Variants in CNR2 observed in about 807,000 individuals in gnomAD.
CNR2 encodes cannabinoid receptor 2 (macrophage).
For missense variants in CNR2, 379 were observed against 439.9 expected (o/e 0.86, Z 1.24); for synonymous variants, 172 against 182.2 (o/e 0.94, Z 0.45).
At chr1:23,880,409 C>T (rs1043509388) in intron 1 of CNR2, among the ~76,000 whole-genome samples, 4 of 151,930 alleles carry the variant, frequency 2.6e-5, no homozygotes, top group East Asian at 1.9e-4. Flanking sequence ...GATCTGACCT[C>T]GTGATCTGCC....
At chr1:23,880,575 A>AT (rs1362332882) in intron 1 of CNR2, among the ~76,000 whole-genome samples, 1 of 150,558 alleles carries the variant, frequency 6.6e-6, no homozygotes, top group East Asian at 2.0e-4. Flanking sequence ...TTTAGTTTTT[A>AT]TTTTTTTGAG....
intron 1 of CNR2, among the ~76,000 whole-genome samples, chr1:23,882,409 A>C (rs954166864): frequency 6.6e-6 from 1 of 152,188 alleles, no homozygotes; most frequent in Admixed American, 6.6e-5. Context: ...AAAATTCATA[A>C]AGGCGATTAG....
In CNR2 at chr1:23,893,988, T is replaced by G. The variant is rs183597283; in HGVS notation, c.-45-18326A>C. Reference sequence around the variant, plus strand: ...ATACAAAAATTAGCTGGGCATGGTGTTGTGTGCCTGTAGTCCCAGCCACTC... The same window carrying G: ...ATACAAAAATTAGCTGGGCATGGTGGTGTGTGCCTGTAGTCCCAGCCACTC... On this transcript the variant is annotated intron_variant, in intron 1 of 1. Transcript: ENST00000374472. Among the ~76,000 whole-genome samples the G allele has an allele frequency of 1.2e-3, 177 of 151,836 alleles. 1 individual carries two copies. Among genetic ancestry groups the G allele is most frequent in the African/African-American group, 4.1e-3 (168 of 41,380 alleles).
chr1:23,907,396 G>A (rs1236272030), intron 1 of CNR2, among the ~76,000 whole-genome samples: 3 of 124,098 alleles, frequency 2.4e-5, no homozygotes, highest in Admixed American at 1.8e-4. Context: ...GTGACAGAGG[G>A]AGACCTTGTC....
chr1:23,875,673 A>G lies in CNR2; in HGVS notation c.-45-11T>C. ...GTCTAGAAGGCTTTGCTGCAGTACA[A>G]TGAGAAGAAGAAAATAATCTTTTTC... On this transcript the variant is annotated splice_polypyrimidine_tract_variant and intron_variant, in intron 1 of 1. Transcript: ENST00000374472. The G allele has an allele frequency of 3.3e-6, 5 of 1,520,156 alleles. No homozygotes were observed. Among genetic ancestry groups the G allele is most frequent in the East Asian group, 2.3e-5 (1 of 43,998 alleles). The allele number at this position is 1,520,156 out of a possible 1,614,324, so 94.2% of individuals were successfully genotyped here. A position where few individuals can be genotyped will look rare whatever the true frequency, so the allele number is the denominator to read the frequency against.
At chr1:23,878,694 A>G (rs918394167) in intron 1 of CNR2, among the ~76,000 whole-genome samples, 1 of 152,318 alleles carries the variant, frequency 6.6e-6, no homozygotes, top group East Asian at 1.9e-4. Flanking sequence ...TAGAATTTTT[A>G]AAAACACATT....
Position 23,881,334 on chromosome 1 carries a change from T to C in CNR2, c.-45-5672A>G, listed in dbSNP as rs181302506. On this transcript the variant is annotated intron_variant, in intron 1 of 1. Coordinates refer to ENST00000374472, the MANE Select transcript of CNR2 (RefSeq NM_001841.3). ...ATTACTGGTTGGGCATGGTGGCTCA[T>C]GCCTATAATCCCAACACTTTGAGAG... 5.0e-3 allele frequency among the ~76,000 whole-genome samples: 759 copies of C among 151,292 alleles called. 7 individuals carry two copies. The highest frequency in any genetic ancestry group is 0.018 in the African/African-American group (733 of 41,208).
At chr1:23,909,027 A>G (rs1323302106) in intron 1 of CNR2, among the ~76,000 whole-genome samples, 2 of 151,536 alleles carry the variant, frequency 1.3e-5, no homozygotes, top group Non-Finnish European at 2.9e-5. Context: ...CAGGTGGGGG[A>G]GGGGAGGAGA....
At chr1:23,897,888 T>C (rs1167785040) in intron 1 of CNR2, among the ~76,000 whole-genome samples, 1 of 152,216 alleles carries the variant, frequency 6.6e-6, no homozygotes, top group Non-Finnish European at 1.5e-5. Flanking sequence ...GTTGTTGTGG[T>C]TTAACTATGT....
At chr1:23,892,994 C>T (rs892177177) in intron 1 of CNR2, among the ~76,000 whole-genome samples, 4 of 151,864 alleles carry the variant, frequency 2.6e-5, no homozygotes, top group South Asian at 2.1e-4. Flanking sequence ...TCAGCCTGGG[C>T]GACAGAGCGA....
chr1:23,881,317 T>C (rs991753104), intron 1 of CNR2, among the ~76,000 whole-genome samples: 1 of 150,840 alleles, frequency 6.6e-6, no homozygotes, highest in African/African-American at 2.4e-5. Context: ...AAATTACTGG[T>C]TGGGCATGGT....
At chr1:23,875,703 A>G in intron 1 of CNR2, 41 bp from the exon 2 acceptor site, 1 of 1,477,662 alleles carries the variant, frequency 6.8e-7, no homozygotes, top group Non-Finnish European at 9.1e-7. Context: ...TTTTTCAGTA[A>G]GCACAAGAAT....
intron 1 of CNR2, among the ~76,000 whole-genome samples, chr1:23,893,715 C>A (rs1198599523): frequency 6.6e-6 from 1 of 152,210 alleles, no homozygotes; most frequent in East Asian, 1.9e-4. Context: ...GAGTGCTTGG[C>A]ACTGTGCTAG....
intron 1 of CNR2, 150 bp from the exon 2 acceptor site, chr1:23,875,812 C>A: frequency 1.5e-6 from 1 of 673,096 alleles, no homozygotes; most frequent in Non-Finnish European, 2.4e-6. Context: ...GTATTTTGCC[C>A]TTTCTCCATC....
chr1:23,890,223 T>C (rs1486477340), intron 1 of CNR2, among the ~76,000 whole-genome samples: 1 of 140,382 alleles, frequency 7.1e-6, no homozygotes, highest in African/African-American at 2.7e-5. Context: ...TGTTCCACTG[T>C]GCTCTAGCCC....
At chr1:23,877,758 C>CA (rs1639911671) in intron 1 of CNR2, among the ~76,000 whole-genome samples, 1 of 151,856 alleles carries the variant, frequency 6.6e-6, no homozygotes. Context: ...GTCAGGAGTT[C>CA]AAGACTAGCC....
At chr1:23,904,417 C>T (rs1353701421) in intron 1 of CNR2, among the ~76,000 whole-genome samples, 1 of 152,096 alleles carries the variant, frequency 6.6e-6, no homozygotes, top group African/African-American at 2.4e-5. Flanking sequence ...CTCAGGTGAT[C>T]GGCCTGGTGC....
intron 1 of CNR2, among the ~76,000 whole-genome samples, chr1:23,879,063 A>T (rs943493676): frequency 3.9e-5 from 6 of 152,216 alleles, no homozygotes; most frequent in African/African-American, 1.4e-4. Flanking sequence ...GACAAATATG[A>T]GTAAAGAAAA....
intron 1 of CNR2, among the ~76,000 whole-genome samples, chr1:23,896,836 A>C (rs1188145359): frequency 6.6e-6 from 1 of 150,940 alleles, no homozygotes; most frequent in Non-Finnish European, 1.5e-5. Flanking sequence ...GTGTAACCTC[A>C]GGCACAATAG....
Sources: allele counts gnomAD v4.1 joint callset (sites outside exome capture counted in the v4.1 genomes callset), GRCh38; gene constraint gnomAD v4.1.1; transcripts MANE v1.5; gene names NCBI Gene and HGNC (gene_info 2026-07-23, HGNC 2026-07-21).